Variants in C16orf86 observed in about 807,000 individuals in gnomAD.
C16orf86 encodes the protein uncharacterized protein C16orf86.
Under a neutral mutation model 21.5 loss-of-function variants are expected in C16orf86, and 19 were observed. That is an observed-to-expected ratio of 0.88 (90% CI 0.62 to 1.30). C16orf86 has a LOEUF of 1.30. C16orf86 is among the 50% of genes most tolerant of loss of function. C16orf86 has a pLI of 0.00. For missense variants in C16orf86, 391 were observed against 415.8 expected (o/e 0.94, Z 0.52); for synonymous variants, 188 against 183.5 (o/e 1.02, Z -0.20).
At position 67,668,212 on chromosome 16, in the gene C16orf86, G is replaced by C; in HGVS notation, c.566G>C (p.Arg189Pro). 1 of 1,576,938 alleles carries C rather than the reference G, an allele frequency of 6.3e-7. No homozygotes were observed. Among genetic ancestry groups the C allele is most frequent in the Non-Finnish European group, 8.6e-7 (1 of 1,160,612 alleles). Residue 189 changes from arginine (R) to proline (P), a missense_variant, in exon 4 of 4, where the codon CGC (arginine) becomes CCC (proline). Arg to Pro is a moderately radical substitution (Grantham distance 103). Coordinates refer to ENST00000403458, the MANE Select transcript of C16orf86 (RefSeq NM_001012984.3). The stretch of plus-strand genomic sequence containing the variant: ...TGGGTCTTTGCAGGAAAGGCCCAGC[G>C]CCTGCGGCCGCTGTACCAGTACGTC... ...ETLRLERKAQ[R>P]LRPLYQYVNY...
intron 1 of C16orf86, 52 bp from the exon 2 acceptor site, chr16:67,667,244 C>A: frequency 6.4e-7 from 1 of 1,557,320 alleles, no homozygotes; most frequent in Non-Finnish European, 8.8e-7. Flanking sequence ...GTGACGGATC[C>A]CTATGTCCTT....
chr16:67,668,180 C>T lies in C16orf86; in HGVS notation c.554-20C>T. The T allele has an allele frequency of 6.3e-7, 1 of 1,578,016 alleles. No homozygotes were observed. The highest frequency in any genetic ancestry group is 8.6e-7 in the Non-Finnish European group (1 of 1,161,290). On this transcript the variant is annotated intron_variant, in intron 3 of 3. Transcript: ENST00000403458. ...CACAACCTGGCGCTCTAGCCTCTGCCCTGCCCTGGGTCTTTGCAGGAAAGG... is the reference window on the plus strand; with the variant it reads ...CACAACCTGGCGCTCTAGCCTCTGCTCTGCCCTGGGTCTTTGCAGGAAAGG...
chr16:67,667,183 G>A (rs780502220), intron 1 of C16orf86, 111 bp downstream of exon 1: 6 of 1,412,220 alleles, frequency 4.2e-6, no homozygotes, highest in Non-Finnish European at 3.9e-6. Context: ...GCGGGGAGGG[G>A]CACAGGCTGG....
In C16orf86 at chr16:67,668,303, G is replaced by A; in HGVS notation, c.657G>A (p.Glu219=). 6.2e-7 allele frequency: 1 copy of A among 1,612,406 alleles called. No individual in the cohort carries two copies. The change falls in exon 4 of 4, where the codon GAG becomes GAA. Residue 219 remains glutamate (E), a synonymous_variant. Transcript: ENST00000403458. The part of the protein sequence containing the change: ...KGDGEAEVEA[E]AELAPVPEEG... Reference sequence around the variant, plus strand: ...ACGGGGAGGCTGAGGTGGAGGCAGAGGCAGAGCTGGCCCCGGTTCCCGAGG... The same window carrying A: ...ACGGGGAGGCTGAGGTGGAGGCAGAAGCAGAGCTGGCCCCGGTTCCCGAGG...
intron 2 of C16orf86, 39 bp downstream of exon 2, chr16:67,667,564 G>C: frequency 6.4e-7 from 1 of 1,565,858 alleles, no homozygotes; most frequent in Non-Finnish European, 8.7e-7. Context: ...GCAGCCCCGG[G>C]GTTGGGGCAC....
Position 67,667,973 on chromosome 16 carries a change from A to C in C16orf86, c.428A>C (p.Gln143Pro). The C allele has an allele frequency of 6.2e-7, 1 of 1,613,544 alleles. No individual in the cohort carries two copies. The highest frequency in any genetic ancestry group is 8.5e-7 in the Non-Finnish European group (1 of 1,179,872). ...PLQEEEPEDSQSEPSPSAKQH... is the reference protein window; with the variant it reads ...PLQEEEPEDSPSEPSPSAKQH... The stretch of plus-strand genomic sequence containing the variant: ...CAGGAGGAGGAGCCAGAGGACAGCC[A>C]GAGTGAGCCCTCACCATCTGCCAAA... Residue 143 changes from glutamine to proline, a missense_variant, in exon 3 of 4, where the codon CAG becomes CCG. Transcript: ENST00000403458.
chr16:67,668,019 G>A lies in C16orf86; in HGVS notation c.474G>A (p.Lys158=), dbSNP rs926998838. 2 of 1,613,548 alleles carry A rather than the reference G, an allele frequency of 1.2e-6. No homozygotes were observed. Among genetic ancestry groups the A allele is most frequent in the Non-Finnish European group, 1.7e-6 (2 of 1,179,872 alleles). The change falls in exon 3 of 4, where the codon AAG becomes AAA. Residue 158 remains lysine (K), a synonymous_variant. Transcript: ENST00000403458. ...CCAAACAGCACAAAAAAGCCAAGAA[G>A]CGCAAGAGCCTGGGGGCTCCCGTGC... ...PSAKQHKKAK[K]RKSLGAPVLH...
chr16:67,667,045 G>T lies in C16orf86; in HGVS notation c.75G>T (p.Glu25Asp). ...TCGTGGGGCAGGGACAGCTCACGGA[G>T]GAGCCCGGCAGCGCTCAGACCTCCG... ...ATVVGQGQLT[E>D]EPGSAQTSEC... The change falls in exon 1 of 4, where the codon GAG becomes GAT. Residue 25 changes from glutamate to aspartate, a missense_variant. Transcript: ENST00000403458. 6.9e-7 allele frequency: 1 copy of T among 1,454,084 alleles called. No homozygotes were observed. The highest frequency in any genetic ancestry group is 9.0e-7 in the Non-Finnish European group (1 of 1,108,744). 90.1% of individuals were successfully genotyped at this position (1,454,084 alleles called of 1,614,324 possible). A position where few individuals can be genotyped will look rare whatever the true frequency, so the allele number is the denominator to read the frequency against.
Position 67,668,575 on chromosome 16 carries a change from C to T in C16orf86, c.929C>T (p.Pro310Leu). The T allele has an allele frequency of 6.2e-7, 1 of 1,613,504 alleles. No individual in the cohort carries two copies. The highest frequency in any genetic ancestry group is 8.5e-7 in the Non-Finnish European group (1 of 1,179,866). Residue 310 changes from proline (P) to leucine (L), a missense_variant, in exon 4 of 4, where the codon CCC (proline) becomes CTC (leucine). Pro to Leu is a moderately conservative substitution (Grantham distance 98). Transcript: ENST00000403458. ...MLSVCTAPLV[P>L]PLSPQYK ...AGTGTCTGCACTGCTCCACTTGTCC[C>T]CCCGCTCTCTCCTCAGTACAAGTGA...
Position 67,668,543 on chromosome 16 carries a change from G to T in C16orf86, c.897G>T (p.Lys299Asn). Residue 299 changes from lysine to asparagine, a missense_variant, in exon 4 of 4, where the codon AAG (lysine) becomes AAT (asparagine). Physicochemically the swap from Lys to Asn is moderately conservative, Grantham distance 94 (BLOSUM62 0). Transcript: ENST00000403458. ...VDKSTQVDID[K>N]MLSVCTAPLV... ...AGTCAACCCAGGTGGACATCGACAA[G>T]ATGCTGAGTGTCTGCACTGCTCCAC... is the stretch of plus-strand genomic sequence containing the variant. 1 of 1,613,540 alleles carries T rather than the reference G, an allele frequency of 6.2e-7. No individual in the cohort carries two copies. Among genetic ancestry groups the T allele is most frequent in the Non-Finnish European group, 8.5e-7 (1 of 1,179,896 alleles).
intron 1 of C16orf86, 56 bp downstream of exon 1, chr16:67,667,128 G>A: frequency 6.9e-7 from 1 of 1,449,708 alleles, no homozygotes; most frequent in Admixed American, 2.2e-5. Flanking sequence ...CTGAGAGGTG[G>A]AACTGAGCGC....
rs778112728 is a variant in C16orf86, at chr16:67,667,402, A to T, written c.209A>T (p.Glu70Val). Residue 70 changes from glutamate to valine, a missense_variant, in exon 2 of 4, where the codon GAG becomes GTG. By Grantham distance (121) the Glu-to-Val change is moderately radical. Transcript: ENST00000403458. ...GCAGCTTCGGAGTCGGAGCTCCAGG[A>T]GGAAGGACCCAAGCTGGGGGAGGAG... Reference protein sequence around the residue: ...AGAASESELQEEGPKLGEERP... With the variant: ...AGAASESELQVEGPKLGEERP... 1 of 1,612,578 alleles carries T rather than the reference A, an allele frequency of 6.2e-7. No individual in the cohort carries two copies. The highest frequency in any genetic ancestry group is 8.5e-7 in the Non-Finnish European group (1 of 1,179,842).
chr16:67,667,848 C>A, intron 2 of C16orf86, 30 bp from the exon 3 acceptor site: 3 of 1,532,176 alleles, frequency 2.0e-6, no homozygotes, highest in Non-Finnish European at 2.6e-6. Flanking sequence ...AGGGCTGGAG[C>A]CTGGCTCAAG....
chr16:67,667,162 G>A, intron 1 of C16orf86, 90 bp downstream of exon 1: 2 of 1,425,352 alleles, frequency 1.4e-6, no homozygotes, highest in Non-Finnish European at 1.9e-6. Context: ...CTGCCAGGCT[G>A]GGCCCTCCAG....
chr16:67,668,363 C>T lies in C16orf86; in HGVS notation c.717C>T (p.Pro239=), dbSNP rs774492431. The part of the protein sequence containing the change: ...GGVEQLQALL[P]LAGELGPGLA... The stretch of plus-strand genomic sequence containing the variant: ...TGGAGCAACTGCAGGCCTTGCTGCC[C>T]TTGGCAGGTGAGCTGGGCCCAGGCC... The change falls in exon 4 of 4, where the codon CCC becomes CCT. Residue 239 remains proline, a synonymous_variant. Coordinates refer to ENST00000403458, the MANE Select transcript of C16orf86 (RefSeq NM_001012984.3). The T allele has an allele frequency of 6.2e-7, 1 of 1,612,816 alleles. No individual in the cohort carries two copies.
At chr16:67,667,206 C>T (rs1404557229) in intron 1 of C16orf86, 90 bp from the exon 2 acceptor site, 2 of 1,450,842 alleles carry the variant, frequency 1.4e-6, no homozygotes, top group African/African-American at 1.4e-5. Context: ...TCCTTATTCC[C>T]GTTTCGGTGT....
At position 67,668,324 on chromosome 16, in the gene C16orf86, C is replaced by G. The variant is rs377334652; in HGVS notation, c.678C>G (p.Pro226=). The part of the protein sequence containing the change: ...VEAEAELAPV[P]EEGGVEQLQA... ...CAGAGGCAGAGCTGGCCCCGGTTCC[C>G]GAGGAGGGAGGTGTGGAGCAACTGC... The change falls in exon 4 of 4, where the codon CCC becomes CCG. Residue 226 remains proline, a synonymous_variant. Transcript: ENST00000403458. 1.2e-6 allele frequency: 2 copies of G among 1,612,696 alleles called. No individual in the cohort carries two copies. Among genetic ancestry groups the G allele is most frequent in the South Asian group, 2.2e-5 (2 of 91,060 alleles).
At position 67,668,426 on chromosome 16, in the gene C16orf86, C is replaced by A. The variant is rs200136818; in HGVS notation, c.780C>A (p.Thr260=). ...LPCPSPLVTP[T]HALAPLGEEA... ...GTCCCAGTCCACTAGTGACCCCCAC[C>A]CATGCCCTGGCTCCCCTCGGAGAGG... is the stretch of plus-strand genomic sequence containing the variant. The change falls in exon 4 of 4, where the codon ACC becomes ACA. Residue 260 remains threonine, a synonymous_variant. Transcript: ENST00000403458. 1 of 1,612,502 alleles carries A rather than the reference C, an allele frequency of 6.2e-7. No individual in the cohort carries two copies. Among genetic ancestry groups the A allele is most frequent in the Non-Finnish European group, 8.5e-7 (1 of 1,179,710 alleles).
At position 67,667,351 on chromosome 16, in the gene C16orf86, A is replaced by G; in HGVS notation, c.158A>G (p.Gln53Arg). ...LVPAHEARGT[Q>R]SEDQRPAGAA... is the part of the protein sequence containing the mutation. The stretch of plus-strand genomic sequence containing the variant: ...CCTGCCCATGAGGCCCGCGGAACCC[A>G]GAGTGAAGACCAGCGCCCAGCAGGC... The change falls in exon 2 of 4, where the codon CAG (glutamine) becomes CGG (arginine). Residue 53 changes from glutamine to arginine, a missense_variant. Physicochemically the swap from Gln to Arg is conservative, Grantham distance 43 (BLOSUM62 1). Coordinates refer to ENST00000403458, the MANE Select transcript of C16orf86 (RefSeq NM_001012984.3). The G allele has an allele frequency of 6.2e-7, 1 of 1,612,598 alleles. No individual in the cohort carries two copies. The highest frequency in any genetic ancestry group is 8.5e-7 in the Non-Finnish European group (1 of 1,179,828).
Sources: gnomAD v4.1 joint callset for allele counts on GRCh38, gnomAD v4.1.1 for gene constraint, MANE v1.5 for transcripts, NCBI Gene and HGNC (gene_info 2026-07-23, HGNC 2026-07-21) for gene names.